Variants in COMMD8 observed in about 807,000 individuals in gnomAD.
The protein encoded by COMMD8 is COMM domain-containing protein 8.
In COMMD8, 28 loss-of-function variants were observed where a neutral mutation model predicts 27.2. The observed-to-expected ratio is 1.03, with a 90% CI of 0.76 to 1.41. COMMD8 has a LOEUF of 1.41. Ranked by LOEUF, COMMD8 falls within the 40% of genes most tolerant of loss-of-function variation. The pLI is 0.00. For synonymous variants in COMMD8, 79 were observed against 75.5 expected (o/e 1.05, Z -0.24); for missense variants, 217 against 211.2 (o/e 1.03, Z -0.17).
In COMMD8 at chr4:47,451,347, A is replaced by C. The variant is rs1472937680; in HGVS notation, c.*298T>G. ...ACTTTAGAACCTATTTTTAGCTTTC[A>C]ATAAAACTATGTATCTCCAAAGATT... On this transcript the variant is annotated 3_prime_UTR_variant, in exon 5 of 5. Coordinates refer to ENST00000381571, the MANE Select transcript of COMMD8 (RefSeq NM_017845.5). 1.2e-5 allele frequency: 4 copies of C among 334,092 alleles called. No homozygotes were observed. The highest frequency in any genetic ancestry group is 8.9e-5 in the African/African-American group (4 of 45,056). 20.7% of individuals were successfully genotyped at this position (334,092 alleles called of 1,614,324 possible).
rs977558398 is a variant in COMMD8, at chr4:47,463,644, G to A, written c.8C>T (p.Pro3Leu). MEPEEGTPLWRLQ... is the reference protein window; with the variant it reads MELEEGTPLWRLQ... Reference sequence around the variant, plus strand: ...CCGCCACAAGGGCGTCCCCTCTTCCGGCTCCATCCCTGCGCGAAGCTGGGG... The same window carrying A: ...CCGCCACAAGGGCGTCCCCTCTTCCAGCTCCATCCCTGCGCGAAGCTGGGG... The change falls in exon 1 of 5, where the codon CCG (proline) becomes CTG (leucine). Residue 3 changes from proline (P) to leucine (L), a missense_variant. Physicochemically the swap from Pro to Leu is moderately conservative, Grantham distance 98. Transcript: ENST00000381571. The A allele has an allele frequency of 9.7e-6, 15 of 1,549,014 alleles. No homozygotes were observed. The highest frequency in any genetic ancestry group is 6.9e-5 in the African/African-American group (5 of 72,922).
intron 3 of COMMD8, among the ~76,000 whole-genome samples, chr4:47,455,098 C>T (rs575079947): frequency 1.3e-5 from 2 of 152,056 alleles, no homozygotes; most frequent in Non-Finnish European, 2.9e-5. Context: ...ACTGCAAGCT[C>T]CACCTCCTGG....
chr4:47,453,175 G>A lies in COMMD8; in HGVS notation c.415C>T (p.Pro139Ser). The change falls in exon 4 of 5, where the codon CCA (proline) becomes TCA (serine). Residue 139 changes from proline to serine, a missense_variant. Pro to Ser is a moderately conservative substitution (Grantham distance 74). Transcript: ENST00000381571. Reference protein sequence around the residue: ...SSDKIAALRMPLLSLHLDVKE... With the variant: ...SSDKIAALRMSLLSLHLDVKE... ...ACATCTAGATGCAGGCTTAAAAGTG[G>A]CATTCGTAATGCAGCAATCTTGTCA... 1 of 1,613,928 alleles carries A rather than the reference G, an allele frequency of 6.2e-7. No homozygotes were observed. Among genetic ancestry groups the A allele is most frequent in the South Asian group, 1.1e-5 (1 of 91,078 alleles).
intron 3 of COMMD8, among the ~76,000 whole-genome samples, chr4:47,454,831 T>A (rs1019496918): frequency 9.6e-5 from 11 of 114,552 alleles, no homozygotes; most frequent in Non-Finnish European, 1.5e-4. Context: ...GCCATTGCAC[T>A]CCAGCCTGGG....
At chr4:47,452,225 T>A (rs908552635) in intron 4 of COMMD8, among the ~76,000 whole-genome samples, 1 of 152,260 alleles carries the variant, frequency 6.6e-6, no homozygotes, top group Non-Finnish European at 1.5e-5. Context: ...CAGTTATTGT[T>A]ATTTAGCCAC....
chr4:47,456,792 C>A (rs1729902977), intron 2 of COMMD8, 63 bp from the exon 3 acceptor site: 3 of 1,263,920 alleles, frequency 2.4e-6, no homozygotes, highest in Non-Finnish European at 3.3e-6. Context: ...CAATTCCACT[C>A]TCCTTTTGCA....
At chr4:47,456,508 G>C in intron 3 of COMMD8, 69 bp downstream of exon 3, 1 of 1,071,282 alleles carries the variant, frequency 9.3e-7, no homozygotes, top group East Asian at 3.0e-5. Flanking sequence ...TTATATATAT[G>C]ATATTATAAA....
Position 47,450,956 on chromosome 4 carries a change from A to AT in COMMD8, c.*688dup, listed in dbSNP as rs1729736752. 6.6e-6 allele frequency: 1 copy of AT among 152,294 alleles called. No homozygotes were observed. The highest frequency in any genetic ancestry group is 2.4e-5 in the African/African-American group (1 of 41,462). The allele number at this position is 152,294 out of a possible 1,614,324, so 9.4% of individuals were successfully genotyped here. Reference sequence around the variant, plus strand: ...ATATACACACTGCATAATGACAGCTATTTTTTATCAGAGCAATGTTTCCCA... The same window carrying AT: ...ATATACACACTGCATAATGACAGCTATTTTTTTATCAGAGCAATGTTTCCCA... On this transcript the variant is annotated 3_prime_UTR_variant, in exon 5 of 5. Transcript: ENST00000381571.
chr4:47,459,807 G>T (rs557139038), intron 2 of COMMD8: 1 of 178,284 alleles, frequency 5.6e-6, no homozygotes, highest in African/African-American at 2.4e-5. Flanking sequence ...TCCAGGAGGG[G>T]GATAAGGGAA....
chr4:47,463,648 C>G lies in COMMD8; in HGVS notation c.4G>C (p.Glu2Gln), dbSNP rs1413214498. 1.9e-6 allele frequency: 3 copies of G among 1,549,182 alleles called. No homozygotes were observed. Among genetic ancestry groups the G allele is most frequent in the South Asian group, 1.2e-5 (1 of 83,878 alleles). Residue 2 changes from glutamate (E) to glutamine (Q), a missense_variant, in exon 1 of 5, where the codon GAG becomes CAG. Glu to Gln is a conservative substitution (Grantham distance 29). Coordinates refer to ENST00000381571, the MANE Select transcript of COMMD8 (RefSeq NM_017845.5). M[E>Q]PEEGTPLWRL... ...CACAAGGGCGTCCCCTCTTCCGGCTCCATCCCTGCGCGAAGCTGGGGCTTG... is the reference window on the plus strand; with the variant it reads ...CACAAGGGCGTCCCCTCTTCCGGCTGCATCCCTGCGCGAAGCTGGGGCTTG...
chr4:47,454,543 G>A (rs971050560), intron 3 of COMMD8, among the ~76,000 whole-genome samples: 3 of 152,164 alleles, frequency 2.0e-5, no homozygotes, highest in African/African-American at 7.2e-5. Context: ...ACTGGAAACA[G>A]AATGTACTAG....
Position 47,452,743 on chromosome 4 carries a change from C to T in COMMD8, c.531+316G>A, listed in dbSNP as rs189746363. Among the ~76,000 whole-genome samples, 849 of 152,338 alleles carry T rather than the reference C, an allele frequency of 5.6e-3. 10 individuals carry two copies. The highest frequency in any genetic ancestry group is 5.1e-3 in the Non-Finnish European group (348 of 68,028). On this transcript the variant is annotated intron_variant, in intron 4 of 4. Coordinates refer to ENST00000381571, the MANE Select transcript of COMMD8 (RefSeq NM_017845.5). ...GGGTGCAGTGGCCCATGCCTGTAAT[C>T]CCAGCACTTTGGGAGGCCAAGGCGA...
chr4:47,456,907 C>A (rs1372955981), intron 2 of COMMD8, among the ~76,000 whole-genome samples, 178 bp from the exon 3 acceptor site: 1 of 152,052 alleles, frequency 6.6e-6, no homozygotes, highest in Non-Finnish European at 1.5e-5. Context: ...CAAATTTCTG[C>A]AAAATATACA....
chr4:47,461,852 C>T (rs1297733954), intron 1 of COMMD8, among the ~76,000 whole-genome samples: 1 of 151,988 alleles, frequency 6.6e-6, no homozygotes, highest in Non-Finnish European at 1.5e-5. Flanking sequence ...TTAGTCCATT[C>T]GAAAAAGGCA....
At chr4:47,454,830 C>G (rs1289116530) in intron 3 of COMMD8, among the ~76,000 whole-genome samples, 1 of 137,216 alleles carries the variant, frequency 7.3e-6, no homozygotes, top group Non-Finnish European at 1.5e-5. Context: ...TGCCATTGCA[C>G]TCCAGCCTGG....
intron 1 of COMMD8, among the ~76,000 whole-genome samples, chr4:47,462,062 G>C (rs1244780296): frequency 6.6e-6 from 1 of 152,138 alleles, no homozygotes; most frequent in Non-Finnish European, 1.5e-5. Flanking sequence ...CAGGAGACAA[G>C]GCTGGAGAGG....
chr4:47,456,507 T>C, intron 3 of COMMD8, 70 bp downstream of exon 3: 1 of 1,074,750 alleles, frequency 9.3e-7, no homozygotes, highest in Non-Finnish European at 1.3e-6. Context: ...TTTATATATA[T>C]GATATTATAA....
intron 1 of COMMD8, among the ~76,000 whole-genome samples, chr4:47,462,080 A>C (rs1481616256): frequency 1.3e-5 from 2 of 152,114 alleles, no homozygotes; most frequent in Non-Finnish European, 2.9e-5. Flanking sequence ...AGGTGGGTGG[A>C]GCCAAATCAA....
intron 2 of COMMD8, among the ~76,000 whole-genome samples, chr4:47,457,617 T>G (rs1373532135): frequency 6.6e-6 from 1 of 152,138 alleles, no homozygotes; most frequent in Non-Finnish European, 1.5e-5. Context: ...CTCAAAGAAC[T>G]AAATAATACT....
Sources: gnomAD v4.1 joint callset for allele counts (sites outside exome capture counted in the v4.1 genomes callset) on GRCh38, gnomAD v4.1.1 for gene constraint, MANE v1.5 for transcripts, NCBI Gene and HGNC (gene_info 2026-07-23, HGNC 2026-07-21) for gene names.